The following LAMA2 variants were observed in gnomAD, a reference collection of about 807,000 sequenced individuals.
LAMA2 encodes the protein laminin subunit alpha 2.
In LAMA2, 269 loss-of-function variants were observed where a neutral mutation model predicts 364.8. The ratio of observed to expected loss-of-function variants is 0.74; its 90% CI spans 0.67 to 0.82. LAMA2 has a LOEUF of 0.82. LAMA2 is among the 40% of genes least tolerant of loss of function. LAMA2 has a pLI of 0.00. For synonymous variants in LAMA2, 1,379 were observed against 1,370.6 expected (o/e 1.01, Z -0.14); for missense variants, 3,807 against 3,873.2 (o/e 0.98, Z 0.45).
chr6:128,921,697 G>GTTTTTTTTTTTTTTTTT (rs547882651), intron 1 of LAMA2, among the ~76,000 whole-genome samples: 115 of 117,986 alleles, frequency 9.7e-4, no homozygotes, highest in African/African-American at 4.2e-3. Flanking sequence ...ATGAATGTCT[G>GTTTTTTTTTTTTTTTTT]TTTTTTTTTT....
In LAMA2 at chr6:129,161,332, C is replaced by A. The variant is rs1372675704; in HGVS notation, c.1207-4244C>A. On this transcript the variant is annotated intron_variant, in intron 8 of 64. Coordinates refer to ENST00000421865, the MANE Select transcript of LAMA2 (RefSeq NM_000426.4). ...AAAATAGATGGATTTTTTATCCTGA[C>A]AATTACTGTGTGTTTAGTCCCTAAA... Among the ~76,000 whole-genome samples, 8 of 151,952 alleles carry A rather than the reference C, an allele frequency of 5.3e-5. No homozygotes were observed. The East Asian group carries it at 1.5e-3, about 29-fold the overall frequency.
At chr6:129,051,676 AGATATCTATATC>A (rs1788038813) in intron 2 of LAMA2, among the ~76,000 whole-genome samples, 2 of 39,334 alleles carry the variant, frequency 5.1e-5, no homozygotes, top group African/African-American at 4.1e-4. Context: ...ATCGATCTAT[AGATATCTATATC>A]TATAGATCGA....
intron 4 of LAMA2, among the ~76,000 whole-genome samples, chr6:129,107,196 C>T (rs1255469209): frequency 2.0e-5 from 3 of 152,114 alleles, no homozygotes; most frequent in South Asian, 2.1e-4. Context: ...CAATAGGGTT[C>T]AGAAAGAAGA....
In LAMA2 at chr6:129,391,584, A is replaced by G. The variant is rs1216568893; in HGVS notation, c.5165A>G (p.Asp1722Gly). Residue 1722 changes from aspartate to glycine, a missense_variant, in exon 36 of 65, where the codon GAC (aspartate) becomes GGC (glycine). Asp to Gly is a moderately conservative substitution (Grantham distance 94, BLOSUM62 -1). Around this residue, in one of 3 missense-constraint regions of LAMA2, gnomAD observed 3,333 missense variants for 3,345.7 expected, o/e 1.00. Transcript: ENST00000421865. ...RNLEGLQKEIDQMIKELRRKN... is the reference protein window; with the variant it reads ...RNLEGLQKEIGQMIKELRRKN... ...TTGGAAGGGCTTCAGAAAGAGATTGACCAGATGATTAAAGAACTGAGGAGG... is the reference window on the plus strand; with the variant it reads ...TTGGAAGGGCTTCAGAAAGAGATTGGCCAGATGATTAAAGAACTGAGGAGG... 6.2e-7 allele frequency: 1 copy of G among 1,613,732 alleles called. No individual in the cohort carries two copies. Among genetic ancestry groups the G allele is most frequent in the African/African-American group, 1.3e-5 (1 of 74,918 alleles).
At chr6:129,499,936 G>T (rs1369521581) in intron 58 of LAMA2, among the ~76,000 whole-genome samples, 1 of 151,918 alleles carries the variant, frequency 6.6e-6, no homozygotes, top group Non-Finnish European at 1.5e-5. Context: ...GAGAGACAGA[G>T]GGGGGCAGGG....
At chr6:129,348,153 T>C (rs1477506204) in intron 30 of LAMA2, among the ~76,000 whole-genome samples, 3 of 152,210 alleles carry the variant, frequency 2.0e-5, no homozygotes, top group Non-Finnish European at 4.4e-5. Flanking sequence ...GTTTATTTTT[T>C]GTGAAGGCAA....
At chr6:128,982,333 T>C (rs1471939262) in intron 1 of LAMA2, among the ~76,000 whole-genome samples, 1 of 152,206 alleles carries the variant, frequency 6.6e-6, no homozygotes, top group African/African-American at 2.4e-5. Flanking sequence ...TGTGTATCTA[T>C]AGCCAACAGA....
chr6:129,314,312 T>C (rs1298455685), intron 23 of LAMA2, among the ~76,000 whole-genome samples: 2 of 145,060 alleles, frequency 1.4e-5, no homozygotes, highest in African/African-American at 5.1e-5. Flanking sequence ...GGCCGGAGAA[T>C]GGTGTGAACC....
rs548011113 is a variant in LAMA2 at position 129,180,210 on chromosome 6, T to C, written c.1467+2344T>C. ...ATGCTGCTTAAGAAGCAAAATTTTA[T>C]TGAAAGACTAAAATATTGGAGATAT... On this transcript the variant is annotated intron_variant, in intron 10 of 64. Coordinates refer to ENST00000421865, the MANE Select transcript of LAMA2 (RefSeq NM_000426.4). Among the ~76,000 whole-genome samples, 401 of 152,256 alleles carry C rather than the reference T, an allele frequency of 2.6e-3. 1 individual carries two copies. Among genetic ancestry groups the C allele is most frequent in the African/African-American group, 9.3e-3 (386 of 41,560 alleles).
chr6:128,904,531 T>C, intron 1 of LAMA2, among the ~76,000 whole-genome samples: 1 of 150,516 alleles, frequency 6.6e-6, no homozygotes, highest in East Asian at 2.0e-4. Flanking sequence ...CTTGGCTCAC[T>C]GCAACCTCCG....
At chr6:129,391,433 A>G in intron 35 of LAMA2, 58 bp from the exon 36 acceptor site, 3 of 1,397,652 alleles carry the variant, frequency 2.1e-6, no homozygotes, top group Non-Finnish European at 3.0e-6. Flanking sequence ...GCTGAATACC[A>G]TGTTTTCATG....
At chr6:129,252,946 A>G (rs1786371417) in intron 14 of LAMA2, among the ~76,000 whole-genome samples, 1 of 152,146 alleles carries the variant, frequency 6.6e-6, no homozygotes, top group Non-Finnish European at 1.5e-5. Flanking sequence ...AGTAATGCCT[A>G]CTTTTCAGGG....
chr6:128,983,916 G>T (rs1433868499), intron 1 of LAMA2, among the ~76,000 whole-genome samples: 1 of 152,154 alleles, frequency 6.6e-6, no homozygotes, highest in Non-Finnish European at 1.5e-5. Flanking sequence ...TTTGGATCAG[G>T]TCAAGGTATG....
At position 129,353,215 on chromosome 6, in the gene LAMA2, A is replaced by C. The variant is rs1251448071; in HGVS notation, c.4575A>C (p.Gln1525His). ...CAGGCAACCCTGGAGGCTCCTGCCA[A>C]GAATGTGAGTGTGATCCCTATGGCT... Reference protein sequence around the residue: ...GSPGNPGGSCQECECDPYGSL... With the variant: ...GSPGNPGGSCHECECDPYGSL... The change falls in exon 32 of 65, where the codon CAA becomes CAC. Residue 1525 changes from glutamine (Q) to histidine (H), a missense_variant. By Grantham distance (24) the Gln-to-His change is conservative. Transcript: ENST00000421865. The C allele has an allele frequency of 6.2e-7, 1 of 1,614,114 alleles. No homozygotes were observed. The highest frequency in any genetic ancestry group is 1.3e-5 in the African/African-American group (1 of 75,030).
At chr6:129,306,617 T>C (rs926368158) in intron 22 of LAMA2, among the ~76,000 whole-genome samples, 1 of 151,774 alleles carries the variant, frequency 6.6e-6, no homozygotes, top group African/African-American at 2.4e-5. Flanking sequence ...CAATTGATAT[T>C]TTCCCCCATC....
chr6:129,024,389 T>C (rs1458189604), intron 1 of LAMA2, among the ~76,000 whole-genome samples: 23 of 71,980 alleles, frequency 3.2e-4, no homozygotes, highest in South Asian at 8.2e-4. Context: ...TTTCTTTTTT[T>C]TTTTTTTTTT....
intron 1 of LAMA2, among the ~76,000 whole-genome samples, chr6:128,963,111 C>T (rs1243319425): frequency 6.6e-6 from 1 of 152,108 alleles, no homozygotes; most frequent in Non-Finnish European, 1.5e-5. Context: ...TGGTACGGTT[C>T]TTTCACTATC....
At chr6:129,083,091 C>G (rs1774168062) in intron 3 of LAMA2, among the ~76,000 whole-genome samples, 2 of 152,026 alleles carry the variant, frequency 1.3e-5, no homozygotes, top group African/African-American at 4.8e-5. Flanking sequence ...CACACACACA[C>G]ACACACACAC....
intron 3 of LAMA2, among the ~76,000 whole-genome samples, chr6:129,096,365 A>G (rs1046528300): frequency 1.3e-5 from 2 of 152,336 alleles, no homozygotes; most frequent in South Asian, 2.1e-4. Context: ...CAAAAAATAT[A>G]GCAGAATACG....
Sources: gnomAD v4.1 joint callset for allele counts (sites outside exome capture counted in the v4.1 genomes callset) on GRCh38, gnomAD v4.1.1 for gene constraint, gnomAD v4.1.1 regional missense constraint, MANE v1.5 for transcripts, NCBI Gene and HGNC (gene_info 2026-07-23, HGNC 2026-07-21) for gene names.